The following CNTNAP5 variants were observed in gnomAD, a reference collection of about 807,000 sequenced individuals.
CNTNAP5 encodes contactin associated protein family member 5.
A neutral mutation model predicts 150.2 loss-of-function variants in CNTNAP5; 72 were observed. That is an observed-to-expected ratio of 0.48 (90% CI 0.40 to 0.58). The LOEUF (loss-of-function observed/expected upper bound fraction) is 0.58. Among genes scored for constraint, CNTNAP5 ranks in the 20% least tolerant of loss-of-function variants. The pLI is 0.00. For synonymous variants in CNTNAP5, 672 were observed against 619.8 expected (o/e 1.08, Z -1.25); for missense variants, 1,636 against 1,626.2 (o/e 1.01, Z -0.10).
At chr2:124,581,476 A>G (rs766958632) in intron 11 of CNTNAP5, among the ~76,000 whole-genome samples, 4 of 152,204 alleles carry the variant, frequency 2.6e-5, no homozygotes, top group Admixed American at 6.5e-5. Flanking sequence ...TTTCATTTTC[A>G]ATTTTCTAGC....
intron 21 of CNTNAP5, among the ~76,000 whole-genome samples, chr2:124,900,226 G>A (rs2104757183): frequency 6.6e-6 from 1 of 151,536 alleles, no homozygotes; most frequent in Non-Finnish European, 1.5e-5. Flanking sequence ...CTCAGTGAGT[G>A]GTGAATGTTG....
At chr2:124,881,752 T>C (rs1223430620) in intron 21 of CNTNAP5, among the ~76,000 whole-genome samples, 1 of 152,142 alleles carries the variant, frequency 6.6e-6, no homozygotes, top group Non-Finnish European at 1.5e-5. Flanking sequence ...TATCTGTGTA[T>C]GTAGCTGCTT....
chr2:124,170,055 G>T (rs1684894465), intron 1 of CNTNAP5, among the ~76,000 whole-genome samples: 1 of 152,088 alleles, frequency 6.6e-6, no homozygotes, highest in Non-Finnish European at 1.5e-5. Context: ...AGGGAAATGG[G>T]CTATATATTC....
chr2:124,149,625 A>C (rs2104631414), intron 1 of CNTNAP5, among the ~76,000 whole-genome samples: 1 of 152,202 alleles, frequency 6.6e-6, no homozygotes, highest in East Asian at 1.9e-4. Flanking sequence ...AGACAGACTA[A>C]ACTCTTTTGT....
At chr2:124,077,669 A>G (rs1020435073) in intron 1 of CNTNAP5, among the ~76,000 whole-genome samples, 1 of 152,208 alleles carries the variant, frequency 6.6e-6, no homozygotes, top group Non-Finnish European at 1.5e-5. Context: ...TCTCAATGCC[A>G]TCATGCCTGT....
At position 124,360,437 on chromosome 2, in the gene CNTNAP5, C is replaced by T. The variant is rs1296660240; in HGVS notation, c.382-57006C>T. ...TTTACATTTTGGCTTGATTTTGCAG[C>T]GGCTGGTACCGGTTGTTCCTTTCCA... On this transcript the variant is annotated intron_variant, in intron 3 of 23. Coordinates refer to ENST00000682447, the MANE Select transcript of CNTNAP5 (RefSeq NM_001367498.1). 1.2e-4 allele frequency among the ~76,000 whole-genome samples: 18 copies of T among 146,408 alleles called. No individual in the cohort carries two copies. The Middle Eastern group carries it at 0.014, about 114-fold the overall frequency.
At chr2:124,030,202 G>C (rs1277242291) in intron 1 of CNTNAP5, among the ~76,000 whole-genome samples, 2 of 151,882 alleles carry the variant, frequency 1.3e-5, no homozygotes, top group South Asian at 4.2e-4. Flanking sequence ...CATTTTATTT[G>C]GATATTTCTG....
intron 1 of CNTNAP5, among the ~76,000 whole-genome samples, chr2:124,058,591 C>A (rs925776133): frequency 5.3e-5 from 8 of 152,056 alleles, no homozygotes; most frequent in Admixed American, 4.6e-4. Flanking sequence ...TCTAGTATAC[C>A]ATTGTATATA....
rs530240384 is a variant in CNTNAP5, at chr2:124,416,612, A to T, written c.382-831A>T. On this transcript the variant is annotated intron_variant, in intron 3 of 23. Coordinates refer to ENST00000682447, the MANE Select transcript of CNTNAP5 (RefSeq NM_001367498.1). ...AGAAAGCTGTAGAAATTTCAGACTA[A>T]TTACTAGCCAATTGGGTGATTTGGA... Among the ~76,000 whole-genome samples, 4 of 152,248 alleles carry T rather than the reference A, an allele frequency of 2.6e-5. No individual in the cohort carries two copies. In the East Asian group the frequency reaches 7.7e-4, roughly 29 times the overall value.
chr2:124,138,668 G>A (rs1573782856), intron 1 of CNTNAP5, among the ~76,000 whole-genome samples: 1 of 152,080 alleles, frequency 6.6e-6, no homozygotes, highest in East Asian at 1.9e-4. Flanking sequence ...AAGCCAAATT[G>A]GAGAATTGGT....
chr2:124,211,910 G>C (rs747351565), intron 1 of CNTNAP5, among the ~76,000 whole-genome samples: 1 of 152,198 alleles, frequency 6.6e-6, no homozygotes, highest in Non-Finnish European at 1.5e-5. Context: ...CCTGAGAAAC[G>C]AGGATTTTCA....
At chr2:124,159,908 A>T (rs1684633823) in intron 1 of CNTNAP5, among the ~76,000 whole-genome samples, 2 of 152,210 alleles carry the variant, frequency 1.3e-5, no homozygotes. Flanking sequence ...GAAGGAGAAT[A>T]ACTAGGAGTA....
chr2:124,826,453 C>G (rs1432827329), intron 19 of CNTNAP5, among the ~76,000 whole-genome samples: 1 of 152,010 alleles, frequency 6.6e-6, no homozygotes, highest in Non-Finnish European at 1.5e-5. Context: ...TGTGGAGCTT[C>G]CAGGCCAGAT....
intron 3 of CNTNAP5, among the ~76,000 whole-genome samples, chr2:124,398,682 T>C (rs1217704351): frequency 6.6e-6 from 1 of 152,128 alleles, no homozygotes; most frequent in Non-Finnish European, 1.5e-5. Flanking sequence ...TTTTTCTCCA[T>C]GTTGGTTAGG....
At chr2:124,819,414 G>T (rs951408934) in intron 19 of CNTNAP5, among the ~76,000 whole-genome samples, 2 of 151,966 alleles carry the variant, frequency 1.3e-5, no homozygotes, top group Admixed American at 6.6e-5. Flanking sequence ...TGGCAGTATG[G>T]GTCGGTTTGA....
At chr2:124,445,709 C>T (rs1214832237) in intron 5 of CNTNAP5, among the ~76,000 whole-genome samples, 1 of 152,166 alleles carries the variant, frequency 6.6e-6, no homozygotes, top group African/African-American at 2.4e-5. Flanking sequence ...GTTGAACAGG[C>T]TGCTGCAGCT....
At position 124,637,955 on chromosome 2, in the gene CNTNAP5, G is replaced by A. The variant is rs1490147590; in HGVS notation, c.1877-9803G>A. On this transcript the variant is annotated intron_variant, in intron 12 of 23. Transcript: ENST00000682447. ...CAGACTCAGCTCTTTTCCTAAAGAAGCCTACCTCTTTTTTGTAGCAAATGG... is the reference window on the plus strand; with the variant it reads ...CAGACTCAGCTCTTTTCCTAAAGAAACCTACCTCTTTTTTGTAGCAAATGG... Among the ~76,000 whole-genome samples the A allele has an allele frequency of 3.9e-5, 6 of 151,968 alleles. No individual in the cohort carries two copies. The East Asian group carries it at 1.2e-3, about 29-fold the overall frequency.
rs558977061 is a variant in CNTNAP5, at chr2:124,234,964, A to T, written c.188-7236A>T. On this transcript the variant is annotated intron_variant, in intron 2 of 23. Transcript: ENST00000682447. ...TTCACCATTTCAGCCAAAAGCCAGC[A>T]TCTTGGAAGCTGAGCAGAGACAGGA... Among the ~76,000 whole-genome samples the T allele has an allele frequency of 7.9e-5, 12 of 152,252 alleles. No homozygotes were observed. In the South Asian group the frequency reaches 2.5e-3, roughly 32 times the overall value.
chr2:124,590,864 G>C (rs189079381), intron 11 of CNTNAP5, among the ~76,000 whole-genome samples: 2 of 152,046 alleles, frequency 1.3e-5, no homozygotes, highest in African/African-American at 4.8e-5. Context: ...GAAAAGGTGA[G>C]GTCTAAATAA....
Sources: gnomAD v4.1 joint callset for allele counts (sites outside exome capture counted in the v4.1 genomes callset) on GRCh38, gnomAD v4.1.1 for gene constraint, MANE v1.5 for transcripts, NCBI Gene and HGNC (gene_info 2026-07-23, HGNC 2026-07-21) for gene names.